DYNC2LI1: variants seen among roughly 807,000 people sequenced by gnomAD.
DYNC2LI1 encodes the protein cytoplasmic dynein 2 light intermediate chain 1.
A neutral mutation model predicts 51.9 loss-of-function variants in DYNC2LI1; 45 were observed. The observed-to-expected ratio is 0.87, with a 90% CI of 0.68 to 1.11. DYNC2LI1 has a LOEUF of 1.11. Ranked by LOEUF, DYNC2LI1 falls within the 50% of genes most tolerant of loss-of-function variation. DYNC2LI1 has a pLI of 0.00. For missense variants in DYNC2LI1, 490 were observed against 417.4 expected, an observed-to-expected ratio of 1.17 and a Z score of -1.51; for synonymous variants, 130 against 137.8, an observed-to-expected ratio of 0.94 and a Z score of 0.40.
intron 12 of DYNC2LI1, among the ~76,000 whole-genome samples, chr2:43,808,592 A>T (rs1666358189): frequency 6.6e-6 from 1 of 152,220 alleles, no homozygotes; most frequent in Admixed American, 6.5e-5. Context: ...TGCCTTGTGC[A>T]GGATAGCCAC....
In DYNC2LI1 at chr2:43,795,909, C is replaced by T. The variant is rs1004100307; in HGVS notation, c.527C>T (p.Pro176Leu). 2 of 1,612,992 alleles carry T rather than the reference C, an allele frequency of 1.2e-6. No homozygotes were observed. The highest frequency in any genetic ancestry group is 2.2e-5 in the East Asian group (1 of 44,820). ...TAGCAGGATCATGAATTAATTGACC[C>T]ATTTCCGGTACCTCTGGTCATAATT... Reference protein sequence around the residue: ...KDHPDHELIDPFPVPLVIIGS... With the variant: ...KDHPDHELIDLFPVPLVIIGS... Residue 176 changes from proline (P) to leucine (L), a missense_variant, in exon 7 of 13, where the codon CCA (proline) becomes CTA (leucine). Physicochemically the swap from Pro to Leu is moderately conservative, Grantham distance 98. Transcript: ENST00000260605.
At chr2:43,804,557 C>A in intron 10 of DYNC2LI1, 85 bp from the exon 11 acceptor site, 2 of 871,738 alleles carry the variant, frequency 2.3e-6, no homozygotes, top group Non-Finnish European at 3.5e-6. Flanking sequence ...GAGATGTATA[C>A]CTTTGTTAGT....
At chr2:43,808,310 C>T (rs1342420098) in intron 12 of DYNC2LI1, among the ~76,000 whole-genome samples, 1 of 150,206 alleles carries the variant, frequency 6.7e-6, no homozygotes, top group Non-Finnish European at 1.5e-5. Context: ...GTCTATATAC[C>T]ATTTTGAAAC....
At chr2:43,813,230 T>C, downstream of DYNC2LI1, 1 of 1,613,704 alleles carries the variant, frequency 6.2e-7, no homozygotes, top group East Asian at 2.2e-5. Flanking sequence ...ATGTTGCACC[T>C]GGGCAGGTTT....
At chr2:43,778,611 C>G (rs1417750032) in intron 2 of DYNC2LI1, among the ~76,000 whole-genome samples, 1 of 152,164 alleles carries the variant, frequency 6.6e-6, no homozygotes, top group South Asian at 2.1e-4. Flanking sequence ...GGTACAAATA[C>G]ATTTCTATTA....
At chr2:43,783,603 T>G in intron 3 of DYNC2LI1, 49 bp downstream of exon 3, 1 of 1,255,482 alleles carries the variant, frequency 8.0e-7, no homozygotes, top group South Asian at 1.6e-5. Flanking sequence ...ATTCTAGTTG[T>G]ATAGGGCAAG....
At chr2:43,800,639 C>T (rs1386389980) in intron 8 of DYNC2LI1, among the ~76,000 whole-genome samples, 1 of 152,038 alleles carries the variant, frequency 6.6e-6, no homozygotes, top group East Asian at 1.9e-4. Context: ...ACATCATGTA[C>T]TCATTAAGTT....
chr2:43,783,782 T>C (rs1210223134), intron 3 of DYNC2LI1, among the ~76,000 whole-genome samples: 1 of 152,186 alleles, frequency 6.6e-6, no homozygotes, highest in African/African-American at 2.4e-5. Flanking sequence ...GAGGGAGAAA[T>C]GTTACCATAA....
intron 5 of DYNC2LI1, chr2:43,792,688 A>G (rs1426782438): frequency 4.5e-6 from 7 of 1,546,910 alleles, no homozygotes; most frequent in Non-Finnish European, 5.2e-6. Flanking sequence ...CCTGGCAACT[A>G]TCATCCCTAC....
intron 10 of DYNC2LI1, among the ~76,000 whole-genome samples, chr2:43,803,586 A>G (rs977101102): frequency 6.6e-6 from 1 of 152,216 alleles, no homozygotes; most frequent in Non-Finnish European, 1.5e-5. Flanking sequence ...ACGGCAACAC[A>G]GGATCTTTGT....
At chr2:43,776,996 T>C in intron 2 of DYNC2LI1, 97 bp downstream of exon 2, 1 of 630,718 alleles carries the variant, frequency 1.6e-6, no homozygotes, top group Admixed American at 2.8e-5. Flanking sequence ...TTCAACACTT[T>C]AACCAGATGA....
intron 1 of DYNC2LI1, among the ~76,000 whole-genome samples, chr2:43,776,418 TTAAA>T (rs1286618792): frequency 6.6e-6 from 1 of 152,232 alleles, no homozygotes; most frequent in Non-Finnish European, 1.5e-5. Flanking sequence ...CCTAGGTGAC[TTAAA>T]TGTTTGTGGT....
At chr2:43,818,590 C>T in the DYNC2LI1 span, among the ~76,000 whole-genome samples, 2 of 152,114 alleles carry the variant, frequency 1.3e-5, no homozygotes, top group African/African-American at 4.8e-5. Context: ...GGAAATGCTG[C>T]CCAAGGTTGG....
At chr2:43,806,118 G>A (rs534923715) in intron 12 of DYNC2LI1, among the ~76,000 whole-genome samples, 4 of 152,126 alleles carry the variant, frequency 2.6e-5, no homozygotes, top group East Asian at 1.9e-4. Context: ...TCCTGACCTC[G>A]TGATCCATCC....
chr2:43,792,166 C>G (rs192680553), intron 5 of DYNC2LI1, among the ~76,000 whole-genome samples: 2 of 152,066 alleles, frequency 1.3e-5, no homozygotes, highest in Admixed American at 6.5e-5. Flanking sequence ...TGCTTATGAG[C>G]TTATTAAAAT....
At chr2:43,824,109 T>A in the DYNC2LI1 span, 5 of 1,614,216 alleles carry the variant, frequency 3.1e-6, no homozygotes, top group Non-Finnish European at 4.2e-6. Context: ...CCAAGTTTCT[T>A]GTCACTCTCC....
At chr2:43,797,798 G>A (rs1365742851) in intron 8 of DYNC2LI1, among the ~76,000 whole-genome samples, 3 of 152,008 alleles carry the variant, frequency 2.0e-5, no homozygotes, top group African/African-American at 4.8e-5. Flanking sequence ...GATTACAAGC[G>A]TGAGCCACCA....
chr2:43,810,288 A>AC, downstream of DYNC2LI1: 1 of 862,364 alleles, frequency 1.2e-6, no homozygotes, highest in Middle Eastern at 6.0e-4. Context: ...TGTCGCCATC[A>AC]GTGGTCTGGA....
At chr2:43,826,955 C>T in the DYNC2LI1 span, among the ~76,000 whole-genome samples, 2 of 152,184 alleles carry the variant, frequency 1.3e-5, no homozygotes, top group Admixed American at 6.5e-5. Flanking sequence ...AAAAATCTGA[C>T]GAATAAAACA....
Sources: allele counts gnomAD v4.1 joint callset (sites outside exome capture counted in the v4.1 genomes callset), GRCh38; gene constraint gnomAD v4.1.1; transcripts MANE v1.5; gene names NCBI Gene and HGNC (gene_info 2026-07-23, HGNC 2026-07-21).